OXR1: variants seen among roughly 807,000 people sequenced by gnomAD.
The protein encoded by OXR1 is oxidation resistance protein 1.
Under a neutral mutation model 104.6 loss-of-function variants are expected in OXR1, and 41 were observed. The ratio of observed to expected loss-of-function variants is 0.39; its 90% CI spans 0.31 to 0.51. The LOEUF is 0.51. Ranked by LOEUF, OXR1 falls within the 20% of genes least tolerant of loss-of-function variation. OXR1 has a pLI of 0.77. For missense variants in OXR1, 955 were observed against 1,031.9 expected (o/e 0.93, Z 1.02); for synonymous variants, 348 against 348.4 (o/e 1.00, Z 0.01).
intron 3 of OXR1, among the ~76,000 whole-genome samples, chr8:106,552,180 T>C (rs1815894661): frequency 6.6e-6 from 1 of 152,084 alleles, no homozygotes; most frequent in South Asian, 2.1e-4. Flanking sequence ...AGGGAGGATT[T>C]ATTCATAGTT....
chr8:106,323,285 A>G (rs182816637), intron 1 of OXR1, among the ~76,000 whole-genome samples: 44 of 152,338 alleles, frequency 2.9e-4, no homozygotes, highest in African/African-American at 9.6e-4. Context: ...AGCAATGGCA[A>G]AAAGACTTCC....
At chr8:106,459,991 A>G (rs181844163) in intron 2 of OXR1, among the ~76,000 whole-genome samples, 2 of 152,312 alleles carry the variant, frequency 1.3e-5, no homozygotes, top group East Asian at 3.9e-4. Flanking sequence ...AACTCCTCAC[A>G]GTCACTTATT....
chr8:106,460,255 A>G (rs965892755), intron 2 of OXR1, among the ~76,000 whole-genome samples: 1 of 152,214 alleles, frequency 6.6e-6, no homozygotes, highest in African/African-American at 2.4e-5. Context: ...ATATCTGTAA[A>G]GACTTACATT....
chr8:106,295,907 C>A (rs1299540628), intron 1 of OXR1, among the ~76,000 whole-genome samples: 1 of 152,128 alleles, frequency 6.6e-6, no homozygotes. Context: ...CAAACTGAAC[C>A]TCTGTCCTGA....
intron 3 of OXR1, among the ~76,000 whole-genome samples, chr8:106,663,882 G>A (rs1034972435): frequency 6.6e-6 from 1 of 152,158 alleles, no homozygotes; most frequent in Non-Finnish European, 1.5e-5. Flanking sequence ...TGCCGTAAAG[G>A]TTGGGGACCA....
At chr8:106,422,442 C>T (rs1818944029) in intron 2 of OXR1, among the ~76,000 whole-genome samples, 1 of 151,944 alleles carries the variant, frequency 6.6e-6, no homozygotes, top group East Asian at 1.9e-4. Context: ...TCCTAGATTC[C>T]GTGCTGTGTC....
chr8:106,618,027 C>G, intron 3 of OXR1: 1 of 1,512,964 alleles, frequency 6.6e-7, no homozygotes, highest in South Asian at 1.3e-5. Flanking sequence ...GGTCAGGGAC[C>G]GGGCGGGAGG....
At chr8:106,472,811 C>T (rs1821588934) in intron 2 of OXR1, among the ~76,000 whole-genome samples, 2 of 151,818 alleles carry the variant, frequency 1.3e-5, no homozygotes, top group African/African-American at 4.8e-5. Context: ...CCAGAGTAAT[C>T]AGTAGTCTCA....
intron 3 of OXR1, among the ~76,000 whole-genome samples, chr8:106,572,897 G>A (rs1244739260): frequency 6.6e-6 from 1 of 152,096 alleles, no homozygotes; most frequent in Admixed American, 6.5e-5. Flanking sequence ...GAATTATGAA[G>A]GCTGAGAACT....
chr8:106,331,243 A>T (rs1814702040), intron 1 of OXR1, among the ~76,000 whole-genome samples: 1 of 152,220 alleles, frequency 6.6e-6, no homozygotes. Flanking sequence ...AAAGCAATGT[A>T]TTCTAATTGT....
intron 11 of OXR1, among the ~76,000 whole-genome samples, chr8:106,723,239 C>A (rs575581382): frequency 2.0e-5 from 3 of 152,100 alleles, no homozygotes; most frequent in South Asian, 4.2e-4. Context: ...TGCGTGTAAT[C>A]CCAGCACTTT....
At chr8:106,690,954 G>A (rs1380062435) in intron 6 of OXR1, among the ~76,000 whole-genome samples, 2 of 151,702 alleles carry the variant, frequency 1.3e-5, no homozygotes, top group African/African-American at 2.4e-5. Flanking sequence ...ATTTTCAATC[G>A]CAAAAGAGGA....
intron 2 of OXR1, among the ~76,000 whole-genome samples, chr8:106,369,715 C>T (rs1402710389): frequency 7.9e-5 from 12 of 151,888 alleles, no homozygotes; most frequent in South Asian, 2.1e-4. Context: ...GTAGATGTGT[C>T]GTGTTATTTC....
chr8:106,296,953 C>T lies in OXR1; in HGVS notation c.-139+26586C>T, dbSNP rs183630448. Among the ~76,000 whole-genome samples, 3 of 152,290 alleles carry T rather than the reference C, an allele frequency of 2.0e-5. No individual in the cohort carries two copies. In the East Asian group the frequency reaches 5.8e-4, roughly 29 times the overall value. ...TTTCCTTGAAAAAGTTAGTCTTCAT[C>T]TCTAGGAGGAGTCCAAGCACACCCT... On this transcript the variant is annotated intron_variant, in intron 1 of 16. Coordinates refer to ENST00000517566, the MANE Select transcript of OXR1 (RefSeq NM_001198533.2).
At chr8:106,563,266 T>C (rs1296416492) in intron 3 of OXR1, among the ~76,000 whole-genome samples, 2 of 123,256 alleles carry the variant, frequency 1.6e-5, no homozygotes, top group Non-Finnish European at 3.3e-5. Context: ...AATAAAGGGA[T>C]GGAGGAAGAT....
chr8:106,689,844 T>G (rs1318797884), intron 6 of OXR1, among the ~76,000 whole-genome samples: 1 of 151,776 alleles, frequency 6.6e-6, no homozygotes, highest in African/African-American at 2.4e-5. Context: ...TAGACATTAA[T>G]TACAAGTAAT....
chr8:106,385,993 G>A (rs543909110), intron 2 of OXR1, among the ~76,000 whole-genome samples: 16 of 152,216 alleles, frequency 1.1e-4, no homozygotes, highest in East Asian at 5.8e-4. Context: ...AATGAGGTAC[G>A]GGCATGGCAG....
Position 106,322,595 on chromosome 8 carries a change from ATC to A in OXR1, c.-138-36877_-138-36876del, listed in dbSNP as rs1814273142. Among the ~76,000 whole-genome samples the A allele has an allele frequency of 7.2e-5, 11 of 152,282 alleles. No homozygotes were observed. The South Asian group carries it at 2.3e-3, about 32-fold the overall frequency. On this transcript the variant is annotated intron_variant, in intron 1 of 16. Transcript: ENST00000517566. ...CAAATAGGAAGAGAGGAAGTGAACT[ATC>A]TCTGTTTGCAGACGACATGATTCTA... is the stretch of plus-strand genomic sequence containing the variant.
intron 7 of OXR1, among the ~76,000 whole-genome samples, chr8:106,693,842 C>T (rs928687738): frequency 6.6e-6 from 1 of 151,988 alleles, no homozygotes; most frequent in African/African-American, 2.4e-5. Flanking sequence ...AGATTTTGCT[C>T]AAAAAATGTC....
Sources: allele counts gnomAD v4.1 joint callset (sites outside exome capture counted in the v4.1 genomes callset), GRCh38; gene constraint gnomAD v4.1.1; transcripts MANE v1.5; gene names NCBI Gene and HGNC (gene_info 2026-07-23, HGNC 2026-07-21).